The following SDK1 variants were observed in gnomAD, a reference collection of about 807,000 sequenced individuals.
The protein encoded by SDK1 is protein sidekick-1.
In SDK1, 157 loss-of-function variants were observed where a neutral mutation model predicts 245.5. The observed-to-expected ratio is 0.64, with a 90% CI of 0.56 to 0.73. The LOEUF is 0.73. Ranked by LOEUF, SDK1 falls within the 30% of genes least tolerant of loss-of-function variation. The pLI is 0.00. For missense variants in SDK1, 3,583 were observed against 3,002.3 expected (o/e 1.19, Z -4.52); for synonymous variants, 1,647 against 1,278.5 (o/e 1.29, Z -6.15).
At chr7:4,255,145 T>C (rs1211982341) in intron 44 of SDK1, among the ~76,000 whole-genome samples, 1 of 152,194 alleles carries the variant, frequency 6.6e-6, no homozygotes, top group Non-Finnish European at 1.5e-5. Context: ...CTTTTCCTGG[T>C]TCTGTCTTTC....
chr7:3,933,007 C>T (rs1335786360), intron 5 of SDK1, among the ~76,000 whole-genome samples: 1 of 151,926 alleles, frequency 6.6e-6, no homozygotes, highest in Non-Finnish European at 1.5e-5. Flanking sequence ...GCCCTGGGGG[C>T]AGCTGGTGCC....
Position 4,158,282 on chromosome 7 carries a change from G to A in SDK1, c.4626-166G>A, listed in dbSNP as rs141187770. 7.8e-3 allele frequency among the ~76,000 whole-genome samples: 1,182 copies of A among 152,298 alleles called. 8 individuals are homozygous for A. The highest frequency in any genetic ancestry group is 0.017 in the Middle Eastern group (5 of 294). On this transcript the variant is annotated intron_variant, in intron 30 of 44. Transcript: ENST00000404826. ...TTGCACCTAGGAAGTGATTGGGTCC[G>A]ACCCAAGAACAGCCTCCTTGCTAAG...
chr7:4,076,883 A>G (rs1780716659), intron 20 of SDK1, 115 bp from the exon 21 acceptor site: 1 of 880,120 alleles, frequency 1.1e-6, no homozygotes, highest in Non-Finnish European at 1.8e-6. Context: ...AGCTGCCTTC[A>G]GCACATCCAG....
At chr7:3,904,204 T>C (rs990913532) in intron 5 of SDK1, among the ~76,000 whole-genome samples, 2 of 152,176 alleles carry the variant, frequency 1.3e-5, no homozygotes, top group Non-Finnish European at 2.9e-5. Flanking sequence ...ACATACTGCA[T>C]GAATCAGTTT....
intron 4 of SDK1, among the ~76,000 whole-genome samples, chr7:3,789,139 A>G (rs368590001): frequency 5.3e-5 from 8 of 152,038 alleles, no homozygotes; most frequent in African/African-American, 1.9e-4. Context: ...GGGGAAAGTA[A>G]TTCCACTTGT....
intron 4 of SDK1, among the ~76,000 whole-genome samples, chr7:3,665,764 C>T (rs993043466): frequency 6.6e-6 from 1 of 152,170 alleles, no homozygotes; most frequent in Non-Finnish European, 1.5e-5. Context: ...TTATGCTCCC[C>T]TTGCCCTCCA....
chr7:4,097,501 C>T (rs1451855007), intron 22 of SDK1, among the ~76,000 whole-genome samples: 1 of 152,194 alleles, frequency 6.6e-6, no homozygotes, highest in African/African-American at 2.4e-5. Flanking sequence ...ACATGCCATC[C>T]GGGACAGACA....
chr7:4,225,665 G>C (rs1785394708), intron 40 of SDK1, among the ~76,000 whole-genome samples: 1 of 152,176 alleles, frequency 6.6e-6, no homozygotes, highest in East Asian at 1.9e-4. Context: ...TAATTGGCGT[G>C]TCGGCGAGGG....
intron 13 of SDK1, among the ~76,000 whole-genome samples, chr7:3,982,765 A>G (rs960730697): frequency 4.6e-5 from 7 of 152,008 alleles, no homozygotes; most frequent in Non-Finnish European, 7.4e-5. Flanking sequence ...GCATGAACCC[A>G]GGAGGCGGAG....
intron 1 of SDK1, among the ~76,000 whole-genome samples, chr7:3,391,321 A>T (rs1781743148): frequency 6.6e-6 from 1 of 152,192 alleles, no homozygotes. Context: ...TATCAAGCAC[A>T]CATGACCTTG....
chr7:3,994,537 G>T (rs1784560415), intron 14 of SDK1, among the ~76,000 whole-genome samples: 2 of 151,610 alleles, frequency 1.3e-5, no homozygotes, highest in Non-Finnish European at 2.9e-5. Context: ...AGCTACTCAG[G>T]AGGCTAAGGT....
intron 31 of SDK1, among the ~76,000 whole-genome samples, chr7:4,161,585 G>A (rs1348150164): frequency 6.6e-6 from 1 of 152,172 alleles, no homozygotes; most frequent in Non-Finnish European, 1.5e-5. Context: ...CATTGTTAAG[G>A]TTGGCTCCCT....
intron 1 of SDK1, among the ~76,000 whole-genome samples, chr7:3,522,515 G>GT (rs1012960877): frequency 6.6e-6 from 1 of 151,674 alleles, no homozygotes; most frequent in Admixed American, 6.6e-5. Context: ...GATGCAGGGT[G>GT]TTTGTCTTGA....
chr7:3,904,317 T>A (rs1583539029), intron 5 of SDK1, among the ~76,000 whole-genome samples: 1 of 151,638 alleles, frequency 6.6e-6, no homozygotes, highest in East Asian at 1.9e-4. Context: ...TGCTGAAGAG[T>A]ATAGGATTTC....
At chr7:3,859,160 C>A (rs540474517) in intron 5 of SDK1, among the ~76,000 whole-genome samples, 5 of 152,096 alleles carry the variant, frequency 3.3e-5, no homozygotes, top group Non-Finnish European at 5.9e-5. Context: ...CCAAGCCCGG[C>A]CCATATTTTT....
intron 21 of SDK1, among the ~76,000 whole-genome samples, chr7:4,077,963 G>C (rs955528157): frequency 6.6e-6 from 1 of 152,164 alleles, no homozygotes; most frequent in African/African-American, 2.4e-5. Context: ...GCACATCTGG[G>C]TGCAAGTTAC....
At chr7:4,057,642 C>A (rs1031339867) in intron 19 of SDK1, among the ~76,000 whole-genome samples, 8 of 152,124 alleles carry the variant, frequency 5.3e-5, no homozygotes, top group African/African-American at 1.9e-4. Context: ...CTGGATCACT[C>A]TGGGATGTAA....
intron 1 of SDK1, among the ~76,000 whole-genome samples, chr7:3,451,050 GC>G (rs1192132762): frequency 9.9e-5 from 15 of 152,260 alleles, no homozygotes; most frequent in African/African-American, 3.6e-4. Context: ...GTCATCAGTG[GC>G]TCAGGCAAGA....
chr7:3,590,590 G>C (rs888566581), intron 1 of SDK1, among the ~76,000 whole-genome samples: 1 of 152,068 alleles, frequency 6.6e-6, no homozygotes, highest in East Asian at 1.9e-4. Flanking sequence ...AAAATGAAAA[G>C]TCTAAAGATA....
Sources: gnomAD v4.1 joint callset for allele counts (sites outside exome capture counted in the v4.1 genomes callset) on GRCh38, gnomAD v4.1.1 for gene constraint, MANE v1.5 for transcripts, NCBI Gene and HGNC (gene_info 2026-07-23, HGNC 2026-07-21) for gene names.